Variants in MSN observed in about 807,000 individuals in gnomAD.
MSN encodes moesin, also known as epididymis luminal protein 70.
A neutral mutation model predicts 48.0 loss-of-function variants in MSN; 2 were observed. That is an observed-to-expected ratio of 0.04 (90% confidence interval 0.02 to 0.13). MSN has a LOEUF of 0.13. Among genes scored for constraint, MSN ranks in the 10% least tolerant of loss-of-function variants. MSN has a pLI of 1.00. For missense variants in MSN, 267 were observed against 470.1 expected (o/e 0.57, Z 3.99); for synonymous variants, 146 against 166.9 (o/e 0.87, Z 0.97).
At chrX:65,605,243 G>T (rs1015312365) in intron 1 of MSN, among the ~76,000 whole-genome samples, 1 of 112,556 alleles carries the variant, frequency 8.9e-6, no homozygotes, top group African/African-American at 3.2e-5. Context: ...AATCTTTCCT[G>T]CCAAAGAAAC....
In MSN at chrX:65,667,658, C is replaced by T. The variant is rs1428129203; in HGVS notation, c.-184C>T. On this transcript the variant is annotated 5_prime_UTR_variant, in exon 1 of 13. Transcript: ENST00000360270. ...AGCGGGCGGCGCGACAGGGGCGGCT[C>T]TTTCCTGGGTGGGGTTTGTGAAGTC... The T allele has an allele frequency of 9.5e-6, 10 of 1,047,626 alleles. No individual in the cohort carries two copies. Among genetic ancestry groups the T allele is most frequent in the East Asian group, 3.6e-5 (1 of 27,534 alleles). The allele number at this position is 1,047,626 out of a possible 1,213,427, so 86.3% of individuals were successfully genotyped here. A position where few individuals can be genotyped will look rare whatever the true frequency, so the allele number is the denominator to read the frequency against.
At chrX:65,738,903 C>A in intron 11 of MSN, 67 bp from the exon 12 acceptor site, 1 of 1,105,611 alleles carries the variant, frequency 9.0e-7, no homozygotes, top group Non-Finnish European at 1.2e-6. Context: ...CCGTTCTAGG[C>A]ATATACAGGA....
At chrX:65,619,663 G>A (rs765107814) in intron 1 of MSN, among the ~76,000 whole-genome samples, 30 of 106,340 alleles carry the variant, frequency 2.8e-4, no homozygotes, top group East Asian at 5.7e-4. Context: ...ATGTCCTCCC[G>A]TAGCTCAGAG....
chrX:65,619,332 C>G (rs1259562909), intron 1 of MSN, among the ~76,000 whole-genome samples: 1 of 99,156 alleles, frequency 1.0e-5, no homozygotes, highest in South Asian at 3.9e-4. Flanking sequence ...CTCCACATCA[C>G]TTTCAGGTAC....
At position 65,733,290 on chromosome X, in the gene MSN, T is replaced by A. The variant is rs983414758; in HGVS notation, c.795+10T>A. 8 of 1,175,181 alleles carry A rather than the reference T, an allele frequency of 6.8e-6. No individual in the cohort carries two copies. The highest frequency in any genetic ancestry group is 9.3e-6 in the Non-Finnish European group (8 of 863,392). On this transcript the variant is annotated intron_variant, in intron 7 of 12. Coordinates refer to ENST00000360270, the MANE Select transcript of MSN (RefSeq NM_002444.3). Reference sequence around the variant, plus strand: ...TGACAAAAAAGCCCCGGTGAGTGATTCCTCCCTCTGACCAAGACAGGTACT... The same window carrying A: ...TGACAAAAAAGCCCCGGTGAGTGATACCTCCCTCTGACCAAGACAGGTACT...
intron 1 of MSN, among the ~76,000 whole-genome samples, chrX:65,702,846 G>A (rs906930386): frequency 9.0e-6 from 1 of 111,723 alleles, no homozygotes; most frequent in African/African-American, 3.3e-5. Flanking sequence ...GGCAGCCTTT[G>A]AAAATAATAA....
intron 1 of MSN, among the ~76,000 whole-genome samples, chrX:65,591,302 A>T (rs1253597476): frequency 9.0e-6 from 1 of 111,261 alleles, no homozygotes; most frequent in Non-Finnish European, 1.9e-5. Context: ...ACATCTTTAC[A>T]TGTCTCTGGT....
chrX:65,595,028 T>C (rs1286471782), intron 1 of MSN, among the ~76,000 whole-genome samples: 7 of 111,585 alleles, frequency 6.3e-5, no homozygotes, highest in Non-Finnish European at 1.3e-4. Flanking sequence ...ACCTCAAGAC[T>C]GAGACCACAA....
At chrX:65,695,615 G>A (rs1337311846) in intron 1 of MSN, among the ~76,000 whole-genome samples, 1 of 110,078 alleles carries the variant, frequency 9.1e-6, no homozygotes, top group African/African-American at 3.3e-5. Context: ...GCTAGGGTGG[G>A]GAGTGCTCAT....
intron 1 of MSN, among the ~76,000 whole-genome samples, chrX:65,662,517 G>A (rs577809609): frequency 7.8e-4 from 87 of 111,977 alleles, no homozygotes; most frequent in Admixed American, 5.7e-3. Flanking sequence ...TGACGAGGTC[G>A]ACAAAAACAA....
At chrX:65,724,358 G>A (rs1009164989) in intron 2 of MSN, among the ~76,000 whole-genome samples, 3 of 111,157 alleles carry the variant, frequency 2.7e-5, no homozygotes, top group Non-Finnish European at 5.7e-5. Flanking sequence ...TGGTCAGGCT[G>A]GTCTTGAACT....
chrX:65,672,615 A>G (rs2070953168), intron 1 of MSN, among the ~76,000 whole-genome samples: 1 of 112,026 alleles, frequency 8.9e-6, no homozygotes, highest in Non-Finnish European at 1.9e-5. Context: ...AATGGAAAGC[A>G]TCACTGAACT....
intron 1 of MSN, among the ~76,000 whole-genome samples, chrX:65,612,552 TG>T (rs1424918001): frequency 2.0e-4 from 1 of 5,105 alleles, no homozygotes; most frequent in African/African-American, 1.3e-3. Context: ...TTCTTCGTAA[TG>T]GTTTTTTTTT....
chrX:65,695,933 G>A (rs140638107), intron 1 of MSN, among the ~76,000 whole-genome samples: 1,434 of 91,100 alleles, frequency 0.016, 27 homozygotes, highest in African/African-American at 0.12. Context: ...TGTACATGCT[G>A]TCTCTCTACC....
intron 4 of MSN, 61 bp downstream of exon 4, chrX:65,729,773 C>T: frequency 3.6e-6 from 4 of 1,107,004 alleles, no homozygotes; most frequent in Non-Finnish European, 4.9e-6. Flanking sequence ...CACAGCTGAC[C>T]AATCCCTGCC....
intron 1 of MSN, among the ~76,000 whole-genome samples, chrX:65,695,670 C>G (rs1021895935): frequency 9.0e-6 from 1 of 110,537 alleles, no homozygotes; most frequent in Non-Finnish European, 1.9e-5. Flanking sequence ...ACATAATCAG[C>G]TTCTTATCTT....
In MSN at chrX:65,683,828, A is replaced by G. The variant is rs1240049440; in HGVS notation, c.12+15975A>G. 2.7e-5 allele frequency among the ~76,000 whole-genome samples: 3 copies of G among 111,883 alleles called. No individual in the cohort carries two copies. The East Asian group carries it at 8.3e-4, about 31-fold the overall frequency. On this transcript the variant is annotated intron_variant, in intron 1 of 12. Transcript: ENST00000360270. Reference sequence around the variant, plus strand: ...TGTTTGTTGTAAGAAATGAAACAGCATTGAAAAATATAAAGCCTCCTGTCT... The same window carrying G: ...TGTTTGTTGTAAGAAATGAAACAGCGTTGAAAAATATAAAGCCTCCTGTCT...
chrX:65,630,452 G>A (rs745353186), intron 1 of MSN, among the ~76,000 whole-genome samples: 1 of 110,944 alleles, frequency 9.0e-6, no homozygotes, highest in African/African-American at 3.3e-5. Context: ...TGGGTATGGT[G>A]GTATGTACCT....
chrX:65,679,339 A>T (rs2071032242), intron 1 of MSN, among the ~76,000 whole-genome samples: 1 of 112,086 alleles, frequency 8.9e-6, no homozygotes, highest in African/African-American at 3.2e-5. Flanking sequence ...TTGTAGGGCT[A>T]TGAAATTGCT....
Sources: allele counts gnomAD v4.1 joint callset (sites outside exome capture counted in the v4.1 genomes callset), GRCh38; gene constraint gnomAD v4.1.1; transcripts MANE v1.5; gene names NCBI Gene and HGNC (gene_info 2026-07-23, HGNC 2026-07-21).